Variants in S100Z observed in about 807,000 individuals in gnomAD.
S100Z encodes the protein protein S100-Z.
S100Z carries 11 observed loss-of-function variants against 8.5 expected under a neutral mutation model. The ratio of observed to expected loss-of-function variants is 1.30; its 90% CI spans 0.82 to 2.15. The LOEUF is 2.15. Among genes scored for constraint, S100Z ranks in the 30% most tolerant of loss-of-function variants. The pLI, the probability that S100Z is intolerant of heterozygous loss-of-function variation, is 0.00. For synonymous variants in S100Z, 34 were observed against 43.8 expected (o/e 0.78, Z 0.89); for missense variants, 126 against 117.9 (o/e 1.07, Z -0.32).
At chr5:76,890,922 G>T (rs1743834365) in intron 4 of S100Z, among the ~76,000 whole-genome samples, 1 of 152,166 alleles carries the variant, frequency 6.6e-6, no homozygotes. Flanking sequence ...GAGTGCAATG[G>T]CACAGTCTCG....
chr5:76,871,654 C>T (rs528383684), intron 2 of S100Z, among the ~76,000 whole-genome samples: 2 of 151,878 alleles, frequency 1.3e-5, no homozygotes, highest in Non-Finnish European at 2.9e-5. Context: ...TCCTGAGTAG[C>T]TGGGATTACA....
intron 4 of S100Z, among the ~76,000 whole-genome samples, chr5:76,886,138 C>T (rs925850102): frequency 2.0e-5 from 3 of 152,100 alleles, no homozygotes; most frequent in Non-Finnish European, 4.4e-5. Flanking sequence ...GTGGTGCTTG[C>T]CGCTAAGGGT....
the S100Z span, among the ~76,000 whole-genome samples, chr5:76,934,823 C>T: frequency 0.024 from 3,566 of 151,400 alleles, 131 homozygotes; most frequent in African/African-American, 0.081. Context: ...ATAAATTACC[C>T]AGTGTGTGGT....
At position 76,850,155 on chromosome 5, in the gene S100Z, G is replaced by A. The variant is rs1315187542; in HGVS notation, c.-176G>A. 6.6e-6 allele frequency: 1 copy of A among 152,162 alleles called. No individual in the cohort carries two copies. Among genetic ancestry groups the A allele is most frequent in the Non-Finnish European group, 1.5e-5 (1 of 68,048 alleles). 9.4% of individuals were successfully genotyped at this position (152,162 alleles called of 1,614,324 possible). The stretch of plus-strand genomic sequence containing the variant: ...TCATCTGCACAGGAAGCAGGTCTAA[G>A]GTAAAAGATTATTTTTGTGGAAGAT... On this transcript the variant is annotated splice_region_variant and 5_prime_UTR_variant, in exon 1 of 5. It adds an upstream start codon to the 5' untranslated region. Transcript: ENST00000317593.
intron 4 of S100Z, among the ~76,000 whole-genome samples, chr5:76,886,989 G>A (rs1201705326): frequency 6.6e-6 from 1 of 152,182 alleles, no homozygotes; most frequent in East Asian, 1.9e-4. Flanking sequence ...CAGGGGATAT[G>A]ATGGCTTAGC....
At chr5:76,919,216 C>A (rs765158108) in intron 4 of S100Z, among the ~76,000 whole-genome samples, 2 of 152,146 alleles carry the variant, frequency 1.3e-5, no homozygotes, top group Non-Finnish European at 2.9e-5. Flanking sequence ...AGGGACACAA[C>A]TACTGGATTG....
chr5:76,949,398 AT>A, the S100Z span, among the ~76,000 whole-genome samples: 8 of 150,260 alleles, frequency 5.3e-5, no homozygotes, highest in South Asian at 8.3e-4. Flanking sequence ...CAAAAAAAAA[AT>A]AATGAAAAAA....
At chr5:76,850,334 GGGAGAGA>G (rs1750689026) in intron 1 of S100Z, among the ~76,000 whole-genome samples, 179 bp downstream of exon 1, 6 of 95,200 alleles carry the variant, frequency 6.3e-5, no homozygotes, top group African/African-American at 3.8e-4. Context: ...GGGGGGGTGG[GGGAGAGA>G]GAGAGAGAGA....
At chr5:76,952,210 T>C in the S100Z span, among the ~76,000 whole-genome samples, 1 of 152,258 alleles carries the variant, frequency 6.6e-6, no homozygotes, top group Non-Finnish European at 1.5e-5. Flanking sequence ...TAAAGCTTCC[T>C]GGCAGTTCCT....
the S100Z span, among the ~76,000 whole-genome samples, chr5:76,927,419 T>C: frequency 6.6e-6 from 1 of 152,192 alleles, no homozygotes; most frequent in Non-Finnish European, 1.5e-5. Context: ...AGCTGGTCCT[T>C]CATCTTTCTC....
At chr5:76,881,133 C>T (rs1021187755) in intron 4 of S100Z, among the ~76,000 whole-genome samples, 1 of 152,126 alleles carries the variant, frequency 6.6e-6, no homozygotes, top group Non-Finnish European at 1.5e-5. Flanking sequence ...AACTTCTATC[C>T]ACTTAAAGAG....
At chr5:76,887,353 T>C (rs1160598535) in intron 4 of S100Z, among the ~76,000 whole-genome samples, 1 of 144,926 alleles carries the variant, frequency 6.9e-6, no homozygotes, top group Non-Finnish European at 1.5e-5. Context: ...TGCTTCAGCC[T>C]CCCAAAGTGC....
At chr5:76,909,240 C>G (rs1381494996) in intron 4 of S100Z, among the ~76,000 whole-genome samples, 4 of 152,094 alleles carry the variant, frequency 2.6e-5, no homozygotes, top group African/African-American at 9.7e-5. Context: ...GGGAAACACT[C>G]AGGCATCAAC....
At chr5:76,864,393 T>A (rs1339251732) in intron 1 of S100Z, among the ~76,000 whole-genome samples, 58 of 98,630 alleles carry the variant, frequency 5.9e-4, no homozygotes, top group African/African-American at 1.8e-3. Flanking sequence ...TATATTTTTT[T>A]TTTTTTTTTT....
intron 4 of S100Z, among the ~76,000 whole-genome samples, chr5:76,897,460 T>C (rs1329804597): frequency 1.4e-5 from 2 of 146,272 alleles, no homozygotes; most frequent in Non-Finnish European, 2.9e-5. Context: ...ATAATAATAA[T>C]AATAATAAAA....
At chr5:76,863,590 G>C (rs1043444509) in intron 1 of S100Z, among the ~76,000 whole-genome samples, 16 of 152,024 alleles carry the variant, frequency 1.1e-4, no homozygotes, top group African/African-American at 3.4e-4. Context: ...CCAGGCTGGA[G>C]TGCAGTGGCG....
intron 1 of S100Z, among the ~76,000 whole-genome samples, chr5:76,868,103 C>T (rs770279409): frequency 2.0e-5 from 3 of 152,238 alleles, no homozygotes; most frequent in Non-Finnish European, 4.4e-5. Flanking sequence ...ATTTGTGTCT[C>T]TAGCCTGACA....
chr5:76,926,912 T>C, the S100Z span, among the ~76,000 whole-genome samples: 1 of 152,216 alleles, frequency 6.6e-6, no homozygotes, highest in East Asian at 1.9e-4. Flanking sequence ...CTCCCCCAGC[T>C]TCCTGTCTTC....
At chr5:76,879,482 T>C (rs1743317458) in intron 4 of S100Z, among the ~76,000 whole-genome samples, 1 of 152,180 alleles carries the variant, frequency 6.6e-6, no homozygotes, top group African/African-American at 2.4e-5. Flanking sequence ...AGAATCACTT[T>C]GGTGTGAAGG....
Sources: gnomAD v4.1 joint callset for allele counts (sites outside exome capture counted in the v4.1 genomes callset) on GRCh38, gnomAD v4.1.1 for gene constraint, MANE v1.5 for transcripts, NCBI Gene and HGNC (gene_info 2026-07-23, HGNC 2026-07-21) for gene names.